Variants in ARID1B observed in about 807,000 individuals in gnomAD.
ARID1B encodes AT-rich interaction domain 1B, also known as AT-rich interactive domain-containing protein 1B.
Under a neutral mutation model 212.3 loss-of-function variants are expected in ARID1B, and 30 were observed. The observed-to-expected ratio is 0.14, with a 90% confidence interval of 0.11 to 0.19. The LOEUF is 0.19. ARID1B is among the 10% of genes least tolerant of loss of function. The pLI, the probability that ARID1B is intolerant of heterozygous loss-of-function variation, is 1.00. For missense variants in ARID1B, 2,891 were observed against 3,204.0 expected (o/e 0.90, Z 2.36); for synonymous variants, 1,402 against 1,301.7 (o/e 1.08, Z -1.66).
chr6:157,142,170 G>A (rs1007409836), intron 7 of ARID1B, among the ~76,000 whole-genome samples: 12 of 152,140 alleles, frequency 7.9e-5, no homozygotes, highest in East Asian at 1.9e-4. Flanking sequence ...TGACATGAAC[G>A]GAAATCAGAT....
At chr6:156,935,635 TG>T (rs1231162740) in intron 4 of ARID1B, 59 bp downstream of exon 4, 27 of 1,409,904 alleles carry the variant, frequency 1.9e-5, no homozygotes, top group African/African-American at 2.9e-5. Flanking sequence ...TAGAAAGAGC[TG>T]TTGTTTTTGT....
intron 4 of ARID1B, among the ~76,000 whole-genome samples, chr6:157,002,727 C>G (rs1778977857): frequency 6.6e-6 from 1 of 152,184 alleles, no homozygotes; most frequent in African/African-American, 2.4e-5. Flanking sequence ...TGAGCATCTG[C>G]TGTGTTATAA....
intron 4 of ARID1B, among the ~76,000 whole-genome samples, chr6:157,054,348 A>G (rs1782799458): frequency 6.6e-6 from 1 of 152,202 alleles, no homozygotes; most frequent in Non-Finnish European, 1.5e-5. Flanking sequence ...ACTATCTTCA[A>G]TTTCCTTAGC....
chr6:156,851,693 A>G (rs1784587991), intron 2 of ARID1B, among the ~76,000 whole-genome samples: 2 of 152,156 alleles, frequency 1.3e-5, no homozygotes, highest in South Asian at 4.2e-4. Context: ...TCAAATGACT[A>G]AGTACAGTAA....
At chr6:157,164,853 A>C (rs1358574564) in intron 8 of ARID1B, 1 of 152,242 alleles carries the variant, frequency 6.6e-6, no homozygotes, top group Non-Finnish European at 1.5e-5. Flanking sequence ...ACTAAAATGC[A>C]TCTTGGAGAA....
chr6:156,894,068 G>GTTATGCTGTATACAT (rs1788177203), intron 2 of ARID1B, among the ~76,000 whole-genome samples: 1 of 152,120 alleles, frequency 6.6e-6, no homozygotes, highest in Non-Finnish European at 1.5e-5. Flanking sequence ...TGGATAAACA[G>GTTATGCTGTATACAT]TTATGCTGTA....
intron 4 of ARID1B, among the ~76,000 whole-genome samples, chr6:157,012,857 G>A (rs1779695672): frequency 6.6e-6 from 1 of 152,154 alleles, no homozygotes; most frequent in African/African-American, 2.4e-5. Flanking sequence ...AGGTTTTTAA[G>A]TATGGCATGA....
rs111887732 is a variant in ARID1B at position 157,210,644 on chromosome 6, G to GT, written c.*2764dup. On this transcript the variant is annotated 3_prime_UTR_variant, in exon 20 of 20. Coordinates refer to ENST00000636930, the MANE Select transcript of ARID1B (RefSeq NM_001374828.1). Reference sequence around the variant, plus strand: ...ATTGCTTTGTCCTAAAAATTAGTCGGTTTTTTTTTTTCTATGAGGCTTTTC... The same window carrying GT: ...ATTGCTTTGTCCTAAAAATTAGTCGGTTTTTTTTTTTTCTATGAGGCTTTTC... 20,523 of 187,638 alleles carry GT rather than the reference G, an allele frequency of 0.11. 856 individuals are homozygous for GT. The highest frequency in any genetic ancestry group is 0.2 in the African/African-American group (8,353 of 41,224). 11.6% of individuals were successfully genotyped at this position (187,638 alleles called of 1,614,324 possible).
intron 4 of ARID1B, among the ~76,000 whole-genome samples, chr6:156,974,950 C>A (rs1777136018): frequency 6.6e-6 from 1 of 152,132 alleles, no homozygotes; most frequent in African/African-American, 2.4e-5. Flanking sequence ...GGGTTCTTTC[C>A]ACTTTTCAGC....
chr6:157,118,466 A>G (rs1229620030), intron 6 of ARID1B, among the ~76,000 whole-genome samples: 2 of 152,238 alleles, frequency 1.3e-5, no homozygotes, highest in Non-Finnish European at 2.9e-5. Flanking sequence ...ATCAGCAATA[A>G]TCTACCCTCA....
At chr6:157,004,970 T>C (rs927746968) in intron 4 of ARID1B, among the ~76,000 whole-genome samples, 1 of 132,238 alleles carries the variant, frequency 7.6e-6, no homozygotes, top group Non-Finnish European at 1.6e-5. Context: ...TGGAGTACAG[T>C]GGCGTAATCC....
chr6:156,963,572 TTTAG>T, intron 4 of ARID1B, among the ~76,000 whole-genome samples: 1 of 152,212 alleles, frequency 6.6e-6, no homozygotes. Context: ...TGTTGCTTAA[TTTAG>T]TTGTCTTTTT....
At chr6:156,967,212 A>G (rs369183958) in intron 4 of ARID1B, among the ~76,000 whole-genome samples, 213 of 152,346 alleles carry the variant, frequency 1.4e-3, no homozygotes, top group African/African-American at 5.0e-3. Flanking sequence ...TGTACCTTAT[A>G]TTTGAACATT....
chr6:157,032,345 A>G (rs545173430), intron 4 of ARID1B, among the ~76,000 whole-genome samples: 13 of 152,288 alleles, frequency 8.5e-5, no homozygotes, highest in Admixed American at 3.3e-4. Flanking sequence ...ACCATCTCCC[A>G]TATTTGTACG....
chr6:157,186,436 G>C, intron 13 of ARID1B: 2 of 471,112 alleles, frequency 4.2e-6, no homozygotes, highest in South Asian at 1.5e-5. Context: ...CCGAGAGCGC[G>C]TGCAGGGGGC....
intron 1 of ARID1B, among the ~76,000 whole-genome samples, chr6:156,808,330 A>C (rs944487484): frequency 3.3e-5 from 5 of 152,184 alleles, no homozygotes; most frequent in African/African-American, 1.2e-4. Flanking sequence ...CAGAGTTCTC[A>C]TTCTTTTTTT....
chr6:156,800,129 C>T (rs1030409590), intron 1 of ARID1B, among the ~76,000 whole-genome samples: 11 of 152,176 alleles, frequency 7.2e-5, no homozygotes, highest in Non-Finnish European at 1.6e-4. Context: ...GGTTAGTTTT[C>T]ATTACAATTC....
chr6:157,026,891 C>T (rs1459410239), intron 4 of ARID1B, among the ~76,000 whole-genome samples: 1 of 152,172 alleles, frequency 6.6e-6, no homozygotes. Flanking sequence ...ACCTGGAAAA[C>T]TTCTAACTCC....
chr6:157,042,480 C>G (rs1318604353), intron 4 of ARID1B, among the ~76,000 whole-genome samples: 1 of 151,948 alleles, frequency 6.6e-6, no homozygotes, highest in East Asian at 1.9e-4. Flanking sequence ...TTTTATGACT[C>G]TTTTTATAAT....
Sources: allele counts gnomAD v4.1 joint callset (sites outside exome capture counted in the v4.1 genomes callset), GRCh38; gene constraint gnomAD v4.1.1; transcripts MANE v1.5; gene names NCBI Gene and HGNC (gene_info 2026-07-23, HGNC 2026-07-21).